Variants in UNC13C observed in about 807,000 individuals in gnomAD.
The protein encoded by UNC13C is unc-13 homolog C, also known as protein unc-13 homolog C.
A neutral mutation model predicts 245.4 loss-of-function variants in UNC13C; 174 were observed. The observed-to-expected ratio is 0.71, with a 90% CI of 0.63 to 0.80. The LOEUF is 0.80. Among genes scored for constraint, UNC13C ranks in the 30% least tolerant of loss-of-function variants. The pLI, the probability that UNC13C is intolerant of heterozygous loss-of-function variation, is 0.00. For missense variants in UNC13C, 2,829 were observed against 2,602.9 expected, an observed-to-expected ratio of 1.09 and a Z score of -1.89; for synonymous variants, 992 against 895.1, an observed-to-expected ratio of 1.11 and a Z score of -1.93.
At chr15:54,582,944 C>T (rs77419432) in intron 30 of UNC13C, among the ~76,000 whole-genome samples, 59 of 152,212 alleles carry the variant, frequency 3.9e-4, no homozygotes, top group East Asian at 2.1e-3. Flanking sequence ...GTTTCTGTAA[C>T]GGTAAACTGA....
chr15:54,297,337 G>A (rs749361796), intron 11 of UNC13C, among the ~76,000 whole-genome samples: 1 of 150,770 alleles, frequency 6.6e-6, no homozygotes, highest in African/African-American at 2.5e-5. Flanking sequence ...TGTATTTAGG[G>A]GAATCATAGT....
At chr15:54,529,746 G>T (rs1895648725) in intron 25 of UNC13C, among the ~76,000 whole-genome samples, 2 of 152,136 alleles carry the variant, frequency 1.3e-5, no homozygotes, top group South Asian at 4.2e-4. Flanking sequence ...GAGTGGGAAT[G>T]ACTTGACTGC....
intron 10 of UNC13C, among the ~76,000 whole-genome samples, chr15:54,284,738 G>A (rs555074081): frequency 6.6e-6 from 1 of 151,588 alleles, no homozygotes; most frequent in Admixed American, 6.6e-5. Context: ...ATGAACACGG[G>A]GTATTTTCCT....
At chr15:54,499,521 C>T (rs905430810) in intron 20 of UNC13C, among the ~76,000 whole-genome samples, 3 of 152,064 alleles carry the variant, frequency 2.0e-5, no homozygotes, top group Non-Finnish European at 4.4e-5. Flanking sequence ...AAATTCAATG[C>T]GGTGGGGGAA....
At chr15:54,538,153 A>AAAAAAAAAAAAC (rs1896075444) in intron 26 of UNC13C, among the ~76,000 whole-genome samples, 1 of 145,340 alleles carries the variant, frequency 6.9e-6, no homozygotes, top group African/African-American at 2.6e-5. Flanking sequence ...AAAAAAAAAA[A>AAAAAAAAAAAAC]AAAAAAAAAA....
chr15:54,152,660 A>C (rs188321510), intron 4 of UNC13C, among the ~76,000 whole-genome samples: 62 of 152,294 alleles, frequency 4.1e-4, no homozygotes, highest in Middle Eastern at 3.4e-3. Context: ...ACTACAGAAA[A>C]TATCATGTTA....
chr15:54,349,752 T>G (rs931814013), intron 17 of UNC13C, among the ~76,000 whole-genome samples: 1 of 152,164 alleles, frequency 6.6e-6, no homozygotes, highest in Non-Finnish European at 1.5e-5. Context: ...ACCAAGGGCA[T>G]GTTTACTAGG....
At chr15:54,201,373 ACAGAC>A (rs1255509973) in intron 4 of UNC13C, among the ~76,000 whole-genome samples, 2 of 151,952 alleles carry the variant, frequency 1.3e-5, no homozygotes, top group Non-Finnish European at 2.9e-5. Flanking sequence ...AAAGAAAACT[ACAGAC>A]CAATACTCCT....
chr15:54,613,881 T>G (rs1900260368), intron 30 of UNC13C, among the ~76,000 whole-genome samples: 1 of 152,004 alleles, frequency 6.6e-6, no homozygotes, highest in South Asian at 2.1e-4. Flanking sequence ...AGGGCAAAGA[T>G]CTTTCCGTTA....
chr15:54,238,143 C>T (rs113778828), intron 7 of UNC13C, among the ~76,000 whole-genome samples: 7,745 of 143,978 alleles, frequency 0.054, 725 homozygotes, highest in African/African-American at 0.19. Context: ...GGCACGATCT[C>T]GGCTCACTGC....
rs1428304686 is a variant in UNC13C at position 54,250,411 on chromosome 15, T to C, written c.3415T>C (p.Cys1139Arg). 6 of 1,612,740 alleles carry C rather than the reference T, an allele frequency of 3.7e-6. No individual in the cohort carries two copies. The highest frequency in any genetic ancestry group is 5.1e-6 in the Non-Finnish European group (6 of 1,179,456). ...GTGTGGAGTGAAATGCCACGAAAAG[T>C]GTCAGGACCTGCTAAACGCTGACTG... ...LECGVKCHEKCQDLLNADCLQ... is the reference protein window; with the variant it reads ...LECGVKCHEKRQDLLNADCLQ... The change falls in exon 8 of 33, where the codon TGT (cysteine) becomes CGT (arginine). Residue 1139 changes from cysteine (C) to arginine (R), a missense_variant. By Grantham distance (180) the Cys-to-Arg change is radical. Transcript: ENST00000260323.
chr15:54,005,004 T>A (rs1895072870), intron 1 of UNC13C, among the ~76,000 whole-genome samples: 1 of 152,140 alleles, frequency 6.6e-6, no homozygotes, highest in African/African-American at 2.4e-5. Context: ...CAGAAGCTTT[T>A]TAACTTGATG....
chr15:54,061,295 G>T (rs1897823102), intron 2 of UNC13C, among the ~76,000 whole-genome samples: 1 of 152,120 alleles, frequency 6.6e-6, no homozygotes, highest in African/African-American at 2.4e-5. Context: ...CTGATTCTTG[G>T]TGGACCTCAC....
intron 30 of UNC13C, among the ~76,000 whole-genome samples, chr15:54,577,665 G>A (rs1898014084): frequency 1.3e-5 from 2 of 152,002 alleles, no homozygotes; most frequent in African/African-American, 4.8e-5. Flanking sequence ...CTCTTTCCAG[G>A]TTCCAGTAAC....
At chr15:54,105,829 T>C (rs1900417621) in intron 2 of UNC13C, among the ~76,000 whole-genome samples, 2 of 152,178 alleles carry the variant, frequency 1.3e-5, no homozygotes, top group Non-Finnish European at 2.9e-5. Flanking sequence ...AACAGAATAA[T>C]TGGAATAAAC....
the UNC13C span, among the ~76,000 whole-genome samples, chr15:53,902,376 G>T: frequency 6.6e-6 from 1 of 152,268 alleles, no homozygotes; most frequent in East Asian, 1.9e-4. Context: ...CCAAGATCTG[G>T]CAGTAGTGGA....
intron 1 of UNC13C, among the ~76,000 whole-genome samples, chr15:53,996,668 T>C (rs1894647854): frequency 6.6e-6 from 1 of 152,196 alleles, no homozygotes; most frequent in South Asian, 2.1e-4. Flanking sequence ...AGATTTTGAT[T>C]ATCATAAATT....
intron 18 of UNC13C, among the ~76,000 whole-genome samples, chr15:54,399,069 A>G (rs940047472): frequency 2.0e-5 from 3 of 151,682 alleles, no homozygotes; most frequent in Non-Finnish European, 4.4e-5. Context: ...AGTTAAGGTT[A>G]GATTTGTGAA....
chr15:54,616,047 G>A (rs1264944378), intron 30 of UNC13C, among the ~76,000 whole-genome samples: 1 of 151,814 alleles, frequency 6.6e-6, no homozygotes, highest in Non-Finnish European at 1.5e-5. Flanking sequence ...TTAAAGTTAG[G>A]ATACCTAAAT....
Sources: gnomAD v4.1 joint callset for allele counts (sites outside exome capture counted in the v4.1 genomes callset) on GRCh38, gnomAD v4.1.1 for gene constraint, MANE v1.5 for transcripts, NCBI Gene and HGNC (gene_info 2026-07-23, HGNC 2026-07-21) for gene names.